Variants in THOC2 observed in about 807,000 individuals in gnomAD.
THOC2 encodes THO complex subunit 2.
Under a neutral mutation model 128.4 loss-of-function variants are expected in THOC2, and 10 were observed. The observed-to-expected ratio is 0.08, with a 90% confidence interval of 0.05 to 0.13. The LOEUF (loss-of-function observed/expected upper bound fraction) is 0.13, where lower values mean the gene tolerates loss of function less well. THOC2 is among the 10% of genes least tolerant of loss of function. The pLI, the probability that THOC2 is intolerant of heterozygous loss-of-function variation, is 1.00. For synonymous variants in THOC2, 393 were observed against 396.9 expected, an observed-to-expected ratio of 0.99 and a Z score of 0.12; for missense variants, 535 against 1,155.7, an observed-to-expected ratio of 0.46 and a Z score of 7.79.
intron 9 of THOC2, among the ~76,000 whole-genome samples, chrX:123,670,316 C>T (rs1235668774): frequency 8.9e-6 from 1 of 112,536 alleles, no homozygotes; most frequent in Non-Finnish European, 1.9e-5. Context: ...GATAAAAAAG[C>T]CCTTTCAAAT....
rs1603214453 is a variant in THOC2, at chrX:123,604,874, A to C, written c.*19-3536T>G. Among the ~76,000 whole-genome samples the C allele has an allele frequency of 2.7e-5, 3 of 112,175 alleles. No individual in the cohort carries two copies. The Admixed American group carries it at 2.8e-4, about 11-fold the overall frequency. On this transcript the variant is annotated intron_variant, in intron 38 of 38. Transcript: ENST00000245838. Reference sequence around the variant, plus strand: ...TTCCATGCATTTTTACTAGTGTCTGAAACTGTCAGGATTTTATTCTCATTC... The same window carrying C: ...TTCCATGCATTTTTACTAGTGTCTGCAACTGTCAGGATTTTATTCTCATTC...
chrX:123,616,669 TTTTG>T (rs1251299299), intron 33 of THOC2, among the ~76,000 whole-genome samples: 5 of 108,441 alleles, frequency 4.6e-5, no homozygotes, highest in African/African-American at 1.7e-4. Flanking sequence ...GGAACCTGTT[TTTTG>T]TTTTTTTTTT....
chrX:123,717,347 G>GA (rs1267268274), intron 1 of THOC2, among the ~76,000 whole-genome samples: 1 of 110,720 alleles, frequency 9.0e-6, no homozygotes. Flanking sequence ...TGAACTACCT[G>GA]AAAAAAATTT....
At chrX:123,632,066 T>C (rs1326251351) in intron 21 of THOC2, among the ~76,000 whole-genome samples, 2 of 111,452 alleles carry the variant, frequency 1.8e-5, no homozygotes, top group Non-Finnish European at 3.8e-5. Context: ...ACTAGGTCTC[T>C]TAAATGTCAA....
chrX:123,609,927 G>A (rs1473808406), intron 38 of THOC2, among the ~76,000 whole-genome samples: 1 of 110,767 alleles, frequency 9.0e-6, no homozygotes, highest in African/African-American at 3.3e-5. Context: ...TACTCAGGAG[G>A]CTGAGGCAGG....
intron 1 of THOC2, among the ~76,000 whole-genome samples, chrX:123,716,372 G>A (rs1156620465): frequency 9.0e-6 from 1 of 111,532 alleles, no homozygotes; most frequent in African/African-American, 3.3e-5. Flanking sequence ...TTGAAGTCAC[G>A]AATTGGAGAC....
At chrX:123,633,816 AG>A in intron 20 of THOC2, 136 bp downstream of exon 20, 1 of 406,138 alleles carries the variant, frequency 2.5e-6, no homozygotes, top group Non-Finnish European at 4.3e-6. Flanking sequence ...AAAGGGGGGC[AG>A]GGGTGGTTGT....
intron 36 of THOC2, among the ~76,000 whole-genome samples, chrX:123,612,024 C>T (rs1028426955): frequency 1.8e-5 from 2 of 110,833 alleles, no homozygotes; most frequent in African/African-American, 6.6e-5. Flanking sequence ...CAGAAAATAA[C>T]CAGTGTTGAC....
intron 8 of THOC2, among the ~76,000 whole-genome samples, chrX:123,683,985 C>T (rs367874560): frequency 9.1e-5 from 10 of 109,594 alleles, no homozygotes; most frequent in African/African-American, 3.3e-4. Context: ...CAAGTTATTT[C>T]TAAATTAAGT....
At chrX:123,669,729 T>C (rs954051873) in intron 9 of THOC2, among the ~76,000 whole-genome samples, 1 of 112,100 alleles carries the variant, frequency 8.9e-6, no homozygotes, top group Non-Finnish European at 1.9e-5. Context: ...TGTCATTAGA[T>C]ACATGTAAAG....
At chrX:123,677,125 T>C (rs1267589735) in intron 8 of THOC2, among the ~76,000 whole-genome samples, 3 of 111,954 alleles carry the variant, frequency 2.7e-5, no homozygotes, top group Non-Finnish European at 5.6e-5. Context: ...AGTTACTATA[T>C]TGAATACTAT....
At position 123,605,044 on chromosome X, in the gene THOC2, A is replaced by C. The variant is rs1259862938; in HGVS notation, c.*19-3706T>G. ...CATCCTAAATCCACTTTACTCCTTC[A>C]TTTACCCTTATACTGCAACCTAGGA... On this transcript the variant is annotated intron_variant, in intron 38 of 38. Coordinates refer to ENST00000245838, the MANE Select transcript of THOC2 (RefSeq NM_001081550.2). Among the ~76,000 whole-genome samples the C allele has an allele frequency of 2.7e-5, 3 of 112,250 alleles. No homozygotes were observed. In the East Asian group the frequency reaches 8.4e-4, roughly 31 times the overall value.
intron 38 of THOC2, among the ~76,000 whole-genome samples, chrX:123,609,789 G>A (rs1226177754): frequency 2.7e-5 from 3 of 111,345 alleles, no homozygotes; most frequent in East Asian, 2.8e-4. Flanking sequence ...CCAGCACTTC[G>A]GGAGGCTGAG....
intron 22 of THOC2, among the ~76,000 whole-genome samples, chrX:123,629,440 G>A (rs911459089): frequency 2.7e-5 from 3 of 110,793 alleles, no homozygotes; most frequent in South Asian, 3.9e-4. Context: ...TGCTAAACAC[G>A]TAACCCAAAA....
chrX:123,667,774 A>T (rs1483252208), intron 10 of THOC2, among the ~76,000 whole-genome samples: 1 of 109,834 alleles, frequency 9.1e-6, no homozygotes, highest in East Asian at 2.8e-4. Context: ...AAAAAAACAG[A>T]CACAGGCATT....
At chrX:123,681,664 TAA>T (rs1446011960) in intron 8 of THOC2, among the ~76,000 whole-genome samples, 1 of 111,971 alleles carries the variant, frequency 8.9e-6, no homozygotes, top group African/African-American at 3.2e-5. Flanking sequence ...TATTCTAAAT[TAA>T]AAGAGACGAA....
rs372147449 is a variant in THOC2, at chrX:123,696,191, A to C, written c.468-37T>G. On this transcript the variant is annotated intron_variant, in intron 6 of 38. Coordinates refer to ENST00000245838, the MANE Select transcript of THOC2 (RefSeq NM_001081550.2). ...TAAATATCATTAAGGGGATAAAATT[A>C]ATTTTAATTAACAAGCTTGCACAGA... is the stretch of plus-strand genomic sequence containing the variant. The C allele has an allele frequency of 5.0e-5, 50 of 991,796 alleles. No individual in the cohort carries two copies. In the African/African-American group the frequency reaches 9.2e-4, roughly 18 times the overall value. The allele number at this position is 991,796 out of a possible 1,213,427, so 81.7% of individuals were successfully genotyped here.
In THOC2 at chrX:123,698,514, G is replaced by A. The variant is rs958900248; in HGVS notation, c.275-763C>T. ...CATGAAGATCAAACCCATGACTTTC[G>A]CCACCCTGGTCAAATTACCATGTTC... On this transcript the variant is annotated intron_variant, in intron 4 of 38. Transcript: ENST00000245838. 1.9e-4 allele frequency among the ~76,000 whole-genome samples: 20 copies of A among 105,146 alleles called. No homozygotes were observed. The East Asian group carries it at 4.8e-3, about 25-fold the overall frequency. 91.3% of individuals were successfully genotyped at this position (105,146 alleles called of 115,157 possible). A position where few individuals can be genotyped will look rare whatever the true frequency, so the allele number is the denominator to read the frequency against.
At chrX:123,629,905 A>G (rs778153723) in intron 22 of THOC2, among the ~76,000 whole-genome samples, 3 of 112,129 alleles carry the variant, frequency 2.7e-5, no homozygotes, top group Non-Finnish European at 5.6e-5. Context: ...AAGATCTAGA[A>G]TATGAACTAG....
Sources: allele counts gnomAD v4.1 joint callset (sites outside exome capture counted in the v4.1 genomes callset), GRCh38; gene constraint gnomAD v4.1.1; transcripts MANE v1.5; gene names NCBI Gene and HGNC (gene_info 2026-07-23, HGNC 2026-07-21).